ZNF782: variants seen among roughly 807,000 people sequenced by gnomAD.
The protein encoded by ZNF782 is zinc finger protein 782.
Under a neutral mutation model 13.0 loss-of-function variants are expected in ZNF782, and 12 were observed. The ratio of observed to expected loss-of-function variants is 0.92; its 90% confidence interval spans 0.59 to 1.50. The LOEUF (loss-of-function observed/expected upper bound fraction) is 1.50, where lower values mean the gene tolerates loss of function less well. ZNF782 is among the 40% of genes most tolerant of loss of function. ZNF782 has a pLI of 0.00. For missense variants in ZNF782, 770 were observed against 822.9 expected (o/e 0.94, Z 0.79); for synonymous variants, 284 against 283.0 (o/e 1.00, Z -0.04).
At chr9:96,862,594 C>G (rs1851713750) in intron 1 of ZNF782, among the ~76,000 whole-genome samples, 1 of 152,134 alleles carries the variant, frequency 6.6e-6, no homozygotes, top group African/African-American at 2.4e-5. Context: ...TAAGAAGAGA[C>G]TAGTGATGGT....
chr9:96,866,235 A>G (rs1851752530), intron 1 of ZNF782, among the ~76,000 whole-genome samples: 1 of 151,936 alleles, frequency 6.6e-6, no homozygotes, highest in South Asian at 2.1e-4. Context: ...TAAGAGGAAA[A>G]ATTGTTTTGT....
At chr9:96,932,450 T>C in the ZNF782 span, 3 of 1,360,352 alleles carry the variant, frequency 2.2e-6, no homozygotes, top group Non-Finnish European at 3.1e-6. Flanking sequence ...GAGCTTGTCC[T>C]GCAGCTCACT....
chr9:96,927,581 TAAC>T, the ZNF782 span, among the ~76,000 whole-genome samples: 1 of 152,180 alleles, frequency 6.6e-6, no homozygotes, highest in Non-Finnish European at 1.5e-5. Context: ...AGTGGAGAGT[TAAC>T]AATAATTGCC....
Position 96,850,037 on chromosome 9 carries a change from G to C in ZNF782, c.15+1910C>G, listed in dbSNP as rs952134053. On this transcript the variant is annotated intron_variant, in intron 3 of 5. Transcript: ENST00000481138. The surrounding 1 kb of genome is among the most constrained non-coding windows in gnomAD (Gnocchi z 4.3). ...ATATTTGCATGGATGTGAAGAAAAG[G>C]GAATGCTTATACGCTGCTGGTAGGA... Among the ~76,000 whole-genome samples the C allele has an allele frequency of 1.3e-5, 2 of 152,156 alleles. No individual in the cohort carries two copies. Among genetic ancestry groups the C allele is most frequent in the African/African-American group, 4.8e-5 (2 of 41,424 alleles).
At position 96,819,245 on chromosome 9, in the gene ZNF782, T is replaced by G. The variant is rs1390351738; in HGVS notation, c.778A>C (p.Ile260Leu). The G allele has an allele frequency of 1.2e-6, 2 of 1,611,636 alleles. No individual in the cohort carries two copies. Among genetic ancestry groups the G allele is most frequent in the Non-Finnish European group, 8.5e-7 (1 of 1,179,444 alleles). Residue 260 changes from isoleucine to leucine, a missense_variant, in exon 6 of 6, where the codon ATT becomes CTT. Physicochemically the swap from Ile to Leu is conservative, Grantham distance 5. Coordinates refer to ENST00000481138, the MANE Select transcript of ZNF782 (RefSeq NM_001001662.3). Reference sequence around the variant, plus strand: ...TTCTCTGGATTCATGTTCTGAGGAATAATAAAGGTTGATTTATCATATTTG... The same window carrying G: ...TTCTCTGGATTCATGTTCTGAGGAAGAATAAAGGTTGATTTATCATATTTG... ...ENKYDKSTFI[I>L]PQNMNPEKSH...
chr9:96,895,875 T>C, the ZNF782 span: 3 of 152,172 alleles, frequency 2.0e-5, no homozygotes, highest in African/African-American at 4.8e-5. Flanking sequence ...GCAATTACGC[T>C]ATAAAGTGGA....
the ZNF782 span, chr9:96,931,810 C>T: frequency 2.1e-5 from 34 of 1,611,952 alleles, no homozygotes; most frequent in African/African-American, 5.4e-5. Context: ...CACCCTCTCC[C>T]GGCCCAACAC....
the ZNF782 span, among the ~76,000 whole-genome samples, chr9:96,898,777 C>A: frequency 2.5e-4 from 37 of 147,752 alleles, 1 homozygote; most frequent in Non-Finnish European, 4.9e-4. Context: ...GAACTTCTGA[C>A]CTCAGGTGAT....
At chr9:96,867,760 GC>G (rs1157524117) in intron 1 of ZNF782, among the ~76,000 whole-genome samples, 1 of 152,162 alleles carries the variant, frequency 6.6e-6, no homozygotes, top group Non-Finnish European at 1.5e-5. Context: ...TGAAGAATGA[GC>G]CCTATATCAT....
the ZNF782 span, among the ~76,000 whole-genome samples, chr9:96,901,959 AT>A: frequency 2.0e-5 from 3 of 150,834 alleles, no homozygotes; most frequent in African/African-American, 2.4e-5. Flanking sequence ...ATGTTAAATG[AT>A]TTTTTTCTAT....
At chr9:96,869,766 G>A (rs922621997) in intron 1 of ZNF782, among the ~76,000 whole-genome samples, 3 of 152,178 alleles carry the variant, frequency 2.0e-5, no homozygotes, top group African/African-American at 7.2e-5. Context: ...ATGTCCAAGT[G>A]AAGTAACACC....
intron 4 of ZNF782, among the ~76,000 whole-genome samples, chr9:96,839,100 AGAG>A (rs1851104884): frequency 6.6e-6 from 1 of 152,066 alleles, no homozygotes; most frequent in East Asian, 1.9e-4. Flanking sequence ...TTAGAGAGCT[AGAG>A]GAGTACTCTG....
chr9:96,837,336 C>T lies in ZNF782; in HGVS notation c.142+7554G>A, dbSNP rs889533716. 4.6e-5 allele frequency among the ~76,000 whole-genome samples: 7 copies of T among 152,310 alleles called. No individual in the cohort carries two copies. In the East Asian group the frequency reaches 7.7e-4, roughly 17 times the overall value. Reference sequence around the variant, plus strand: ...TTCATTTAGGTTAATTTGTTGTTCACAGCATTCCTTTATAATCAGTTTTAT... The same window carrying T: ...TTCATTTAGGTTAATTTGTTGTTCATAGCATTCCTTTATAATCAGTTTTAT... On this transcript the variant is annotated intron_variant, in intron 4 of 5. Transcript: ENST00000481138.
chr9:96,850,901 A>G lies in ZNF782; in HGVS notation c.15+1046T>C, dbSNP rs1851465587. Reference sequence around the variant, plus strand: ...TTTTAGTAAACATACAATATTATGAAAACTTTTGCATCTTAATAAATATAT... The same window carrying G: ...TTTTAGTAAACATACAATATTATGAGAACTTTTGCATCTTAATAAATATAT... On this transcript the variant is annotated intron_variant, in intron 3 of 5. Coordinates refer to ENST00000481138, the MANE Select transcript of ZNF782 (RefSeq NM_001001662.3). This position sits in a 1 kb window ranked among gnomAD's most constrained non-coding sequence, Gnocchi z 4.3. Among the ~76,000 whole-genome samples the G allele has an allele frequency of 6.6e-6, 1 of 152,226 alleles. No individual in the cohort carries two copies. Among genetic ancestry groups the G allele is most frequent in the Non-Finnish European group, 1.5e-5 (1 of 68,026 alleles).
intron 4 of ZNF782, among the ~76,000 whole-genome samples, chr9:96,838,456 G>A (rs942429617): frequency 5.3e-5 from 8 of 152,172 alleles, no homozygotes; most frequent in South Asian, 2.1e-4. Context: ...CTGACAGAGC[G>A]GTGTTTAAAT....
intron 5 of ZNF782, among the ~76,000 whole-genome samples, chr9:96,821,724 T>G (rs902046489): frequency 5.3e-5 from 8 of 150,632 alleles, no homozygotes; most frequent in Non-Finnish European, 1.2e-4. Context: ...CAGGCTGGAG[T>G]GCAGTGGTGC....
intron 4 of ZNF782, among the ~76,000 whole-genome samples, chr9:96,838,801 C>T (rs943548520): frequency 6.6e-6 from 1 of 151,260 alleles, no homozygotes; most frequent in African/African-American, 2.4e-5. Flanking sequence ...CTGCAACCTC[C>T]GTCTCCGGGG....
intron 3 of ZNF782, 132 bp downstream of exon 3, chr9:96,851,815 T>A: frequency 1.1e-6 from 1 of 926,978 alleles, no homozygotes. Context: ...ACAGCAGAGT[T>A]CATGGTGAAA....
rs751287022 is a variant in ZNF782, at chr9:96,819,576, G to C, written c.447C>G (p.Ser149Arg). ...DIAGSACQGLSLMAPHCQYSK... is the reference protein window; with the variant it reads ...DIAGSACQGLRLMAPHCQYSK... ...AATACTGACAGTGTGGGGCCATCAG[G>C]CTGAGCCCCTGGCAAGCAGACCCCG... Residue 149 changes from serine to arginine, a missense_variant, in exon 6 of 6, where the codon AGC becomes AGG. Coordinates refer to ENST00000481138, the MANE Select transcript of ZNF782 (RefSeq NM_001001662.3). 109 of 1,613,604 alleles carry C rather than the reference G, an allele frequency of 6.8e-5. No homozygotes were observed. Among genetic ancestry groups the C allele is most frequent in the Non-Finnish European group, 8.9e-5 (105 of 1,179,946 alleles).
Sources: allele counts gnomAD v4.1 joint callset (sites outside exome capture counted in the v4.1 genomes callset), GRCh38; gene constraint gnomAD v4.1.1; non-coding constraint Gnocchi (gnomAD v3.1); transcripts MANE v1.5; gene names NCBI Gene and HGNC (gene_info 2026-07-23, HGNC 2026-07-21).